PRKN: variants seen among roughly 807,000 people sequenced by gnomAD.
PRKN encodes the protein E3 ubiquitin-protein ligase parkin.
A neutral mutation model predicts 59.5 loss-of-function variants in PRKN; 56 were observed. The ratio of observed to expected loss-of-function variants is 0.94; its 90% CI spans 0.76 to 1.18. The LOEUF (loss-of-function observed/expected upper bound fraction) is 1.18, where lower values mean the gene tolerates loss of function less well. Among genes scored for constraint, PRKN ranks in the 50% most tolerant of loss-of-function variants. The pLI is 0.00. For missense variants in PRKN, 657 were observed against 596.4 expected, an observed-to-expected ratio of 1.10 and a Z score of -1.06; for synonymous variants, 250 against 222.1, an observed-to-expected ratio of 1.13 and a Z score of -1.12.
At chr6:162,722,579 G>A (rs1778976135) in intron 1 of PRKN, among the ~76,000 whole-genome samples, 1 of 152,150 alleles carries the variant, frequency 6.6e-6, no homozygotes, top group Non-Finnish European at 1.5e-5. Context: ...AGAAACAGCA[G>A]GTAAGAAACA....
chr6:162,543,576 A>G (rs1299506511), intron 1 of PRKN, among the ~76,000 whole-genome samples: 6 of 152,116 alleles, frequency 3.9e-5, no homozygotes, highest in Non-Finnish European at 5.9e-5. Context: ...GCTCGGCAAA[A>G]CAAAAGGACC....
rs1554238120 is a variant in PRKN, at chr6:161,875,023, T to TAC, written c.735-89116_735-89115insGT. ...AATATATTATATATTATATATAAAG[T>TAC]ATATAATATAATAAATTATATATTA... On this transcript the variant is annotated intron_variant, in intron 6 of 11. Transcript: ENST00000366898. 9.0e-4 allele frequency among the ~76,000 whole-genome samples: 92 copies of TAC among 102,600 alleles called. 1 individual carries two copies. Among genetic ancestry groups the TAC allele is most frequent in the African/African-American group, 4.0e-3 (87 of 21,536 alleles). 67.3% of individuals were successfully genotyped at this position (102,600 alleles called of 152,430 possible).
chr6:161,837,843 T>C (rs915142003), intron 6 of PRKN, among the ~76,000 whole-genome samples: 2 of 152,212 alleles, frequency 1.3e-5, no homozygotes, highest in East Asian at 3.9e-4. Flanking sequence ...AAATAATAGT[T>C]TTGAGAGCTT....
At chr6:161,754,641 G>GCCC (rs1788836771) in intron 7 of PRKN, among the ~76,000 whole-genome samples, 2 of 152,172 alleles carry the variant, frequency 1.3e-5, no homozygotes, top group South Asian at 4.1e-4. Context: ...CCCTGCAGGT[G>GCCC]CTGGGGGCCA....
intron 1 of PRKN, among the ~76,000 whole-genome samples, chr6:162,452,020 TA>T (rs140430373): frequency 0.078 from 11,801 of 152,160 alleles, 553 homozygotes; most frequent in South Asian, 0.17. Flanking sequence ...CATACAGGGT[TA>T]AAATGATGTA....
intron 2 of PRKN, among the ~76,000 whole-genome samples, chr6:162,429,407 T>C (rs1789402648): frequency 6.6e-6 from 1 of 152,178 alleles, no homozygotes; most frequent in South Asian, 2.1e-4. Flanking sequence ...CTTGATCAGC[T>C]AGAGCAGTGA....
intron 7 of PRKN, among the ~76,000 whole-genome samples, chr6:161,751,632 T>G: frequency 6.6e-6 from 1 of 152,332 alleles, no homozygotes; most frequent in East Asian, 1.9e-4. Flanking sequence ...AAGTGATAAT[T>G]GTTGTGCTCT....
chr6:161,805,706 A>G (rs1422664851), intron 6 of PRKN, among the ~76,000 whole-genome samples: 1 of 152,152 alleles, frequency 6.6e-6, no homozygotes, highest in Non-Finnish European at 1.5e-5. Flanking sequence ...TGTTTTCTAG[A>G]ACACAGGAGA....
In PRKN at chr6:162,567,644, C is replaced by T. The variant is rs1258260073; in HGVS notation, c.8-124171G>A. 5.3e-5 allele frequency among the ~76,000 whole-genome samples: 8 copies of T among 152,184 alleles called. No individual in the cohort carries two copies. The South Asian group carries it at 1.7e-3, about 32-fold the overall frequency. On this transcript the variant is annotated intron_variant, in intron 1 of 11. Transcript: ENST00000366898. ...AGAATGCCAAAAAAGGAAAAATATTCCATGTTCATGGATAAAATCCAATAT... is the reference window on the plus strand; with the variant it reads ...AGAATGCCAAAAAAGGAAAAATATTTCATGTTCATGGATAAAATCCAATAT...
intron 4 of PRKN, among the ~76,000 whole-genome samples, chr6:162,190,687 C>T (rs552920622): frequency 6.6e-6 from 1 of 152,298 alleles, no homozygotes; most frequent in Non-Finnish European, 1.5e-5. Context: ...TTGCCTCATT[C>T]TGAAGCAGTA....
At chr6:162,180,274 C>A (rs545660249) in intron 4 of PRKN, among the ~76,000 whole-genome samples, 1 of 152,056 alleles carries the variant, frequency 6.6e-6, no homozygotes, top group Non-Finnish European at 1.5e-5. Context: ...CTTAATCGTA[C>A]ATTTAAACTT....
chr6:162,560,280 T>A (rs1365595444), intron 1 of PRKN, among the ~76,000 whole-genome samples: 1 of 152,216 alleles, frequency 6.6e-6, no homozygotes, highest in South Asian at 2.1e-4. Context: ...GTAGAAATAA[T>A]ACACATGCTT....
chr6:161,668,329 C>T (rs1784794109), intron 7 of PRKN, among the ~76,000 whole-genome samples: 1 of 150,272 alleles, frequency 6.7e-6, no homozygotes, highest in African/African-American at 2.4e-5. Context: ...AACTAGAGTT[C>T]CATGAAACTG....
At chr6:162,206,213 A>C (rs939816446) in intron 3 of PRKN, among the ~76,000 whole-genome samples, 2 of 152,038 alleles carry the variant, frequency 1.3e-5, no homozygotes, top group African/African-American at 4.8e-5. Context: ...TTCCATCACC[A>C]CCTTTGAAAT....
chr6:162,318,733 T>C (rs9356000), intron 2 of PRKN, among the ~76,000 whole-genome samples: 33,476 of 151,826 alleles, frequency 0.22, 4,506 homozygotes, highest in East Asian at 0.52. Flanking sequence ...TTGGCGTGAT[T>C]ATGAAGATTT....
Position 161,693,405 on chromosome 6 carries a change from T to C in PRKN, c.871+92367A>G, listed in dbSNP as rs567731757. ...ACTTAGTCACCCAGCCAGGTGATGG[T>C]TGACTACAGGTGGACCAAGGAATGA... is the stretch of plus-strand genomic sequence containing the variant. On this transcript the variant is annotated intron_variant, in intron 7 of 11. Coordinates refer to ENST00000366898, the MANE Select transcript of PRKN (RefSeq NM_004562.3). 3.3e-5 allele frequency among the ~76,000 whole-genome samples: 5 copies of C among 152,318 alleles called. No homozygotes were observed. The East Asian group carries it at 5.8e-4, about 18-fold the overall frequency.
In PRKN at chr6:161,445,047, G is replaced by A. The variant is rs1789421359; in HGVS notation, c.1084-58170C>T. 6.6e-6 allele frequency among the ~76,000 whole-genome samples: 1 copy of A among 151,886 alleles called. No individual in the cohort carries two copies. Among genetic ancestry groups the A allele is most frequent in the East Asian group, 1.9e-4 (1 of 5,176 alleles). ...CAACCCCTGCCTACATTTTACTCTG[G>A]ATTCCAAGAGTAGACTGGGCTTCAG... On this transcript the variant is annotated intron_variant, in intron 9 of 11. Transcript: ENST00000366898. This position sits in a 1 kb window ranked among gnomAD's most constrained non-coding sequence, Gnocchi z 7.7.
At chr6:161,777,806 ATGTATATATG>A (rs1161712112) in intron 7 of PRKN, among the ~76,000 whole-genome samples, 24 of 135,996 alleles carry the variant, frequency 1.8e-4, no homozygotes, top group African/African-American at 6.8e-4. Flanking sequence ...ATATGTATAT[ATGTATATATG>A]TGTATATATG....
At chr6:162,122,714 T>TGTTC (rs1377479131) in intron 4 of PRKN, among the ~76,000 whole-genome samples, 7 of 135,188 alleles carry the variant, frequency 5.2e-5, no homozygotes, top group African/African-American at 1.7e-4. Flanking sequence ...GGGCTCAATC[T>TGTTC]GTTCTATCTA....
Sources: allele counts gnomAD v4.1 joint callset (sites outside exome capture counted in the v4.1 genomes callset), GRCh38; gene constraint gnomAD v4.1.1; non-coding constraint Gnocchi (gnomAD v3.1); transcripts MANE v1.5; gene names NCBI Gene and HGNC (gene_info 2026-07-23, HGNC 2026-07-21).